Variants in IMPG1 observed in about 807,000 individuals in gnomAD.
The protein encoded by IMPG1 is interphotoreceptor matrix proteoglycan of 150 kDa.
IMPG1 carries 85 observed loss-of-function variants against 92.0 expected under a neutral mutation model. The ratio of observed to expected loss-of-function variants is 0.92; its 90% CI spans 0.78 to 1.11. The LOEUF is 1.11. IMPG1 is among the 50% of genes least tolerant of loss of function. The pLI, the probability that IMPG1 is intolerant of heterozygous loss-of-function variation, is 0.00. For missense variants in IMPG1, 1,022 were observed against 956.0 expected, an observed-to-expected ratio of 1.07 and a Z score of -0.91; for synonymous variants, 367 against 334.1, an observed-to-expected ratio of 1.10 and a Z score of -1.08.
At chr6:75,967,771 A>G (rs976956916) in intron 12 of IMPG1, among the ~76,000 whole-genome samples, 1 of 152,238 alleles carries the variant, frequency 6.6e-6, no homozygotes, top group Non-Finnish European at 1.5e-5. Flanking sequence ...TGTTTATTGC[A>G]GCTGATCACA....
intron 14 of IMPG1, among the ~76,000 whole-genome samples, chr6:75,942,815 C>T (rs962157253): frequency 1.3e-5 from 2 of 152,074 alleles, no homozygotes; most frequent in African/African-American, 2.4e-5. Context: ...GCACATTTTC[C>T]GTTAATGTGT....
chr6:76,006,480 GTATA>G (rs905736991), intron 9 of IMPG1, among the ~76,000 whole-genome samples: 1 of 101,168 alleles, frequency 9.9e-6, no homozygotes. Flanking sequence ...GTATATAGGT[GTATA>G]TATACACACA....
intron 10 of IMPG1, among the ~76,000 whole-genome samples, chr6:76,004,258 G>A (rs1479920618): frequency 7.2e-5 from 11 of 152,092 alleles, no homozygotes; most frequent in Admixed American, 7.2e-4. Flanking sequence ...AACCATTAGG[G>A]ATAAAAATAT....
chr6:76,061,244 G>A (rs1302063983), intron 1 of IMPG1, among the ~76,000 whole-genome samples: 1 of 152,192 alleles, frequency 6.6e-6, no homozygotes, highest in Non-Finnish European at 1.5e-5. Flanking sequence ...GCCACAGATT[G>A]TTCATTTGTA....
At chr6:75,936,903 G>A (rs1781754954) in intron 14 of IMPG1, among the ~76,000 whole-genome samples, 1 of 152,184 alleles carries the variant, frequency 6.6e-6, no homozygotes, top group Admixed American at 6.5e-5. Context: ...ACAGCTCCAG[G>A]AGCCTTTTAA....
intron 1 of IMPG1, among the ~76,000 whole-genome samples, chr6:76,068,795 G>A (rs1385510558): frequency 2.0e-5 from 3 of 151,950 alleles, no homozygotes; most frequent in Non-Finnish European, 4.4e-5. Context: ...GGGATTACAA[G>A]CGTGAGCCAA....
intron 4 of IMPG1, among the ~76,000 whole-genome samples, chr6:76,030,077 A>C (rs1392526432): frequency 6.6e-6 from 1 of 152,362 alleles, no homozygotes; most frequent in South Asian, 2.1e-4. Flanking sequence ...CGATTAAGCC[A>C]ACCCCAAGCT....
chr6:76,023,406 G>T (rs1191228122), intron 5 of IMPG1, among the ~76,000 whole-genome samples: 1 of 152,142 alleles, frequency 6.6e-6, no homozygotes, highest in Non-Finnish European at 1.5e-5. Flanking sequence ...TACCCTAGAA[G>T]AACAAATTTT....
At chr6:76,048,079 A>G (rs540684449) in intron 1 of IMPG1, among the ~76,000 whole-genome samples, 4 of 152,270 alleles carry the variant, frequency 2.6e-5, no homozygotes, top group African/African-American at 9.6e-5. Flanking sequence ...GACTATCATT[A>G]TTACCTGGCT....
At position 76,005,415 on chromosome 6, in the gene IMPG1, T is replaced by G; in HGVS notation, c.1007A>C (p.Tyr336Ser). The G allele has an allele frequency of 6.2e-7, 1 of 1,614,106 alleles. No homozygotes were observed. Among genetic ancestry groups the G allele is most frequent in the South Asian group, 1.1e-5 (1 of 91,088 alleles). ...DSNKIESEEV[Y>S]HGTMEEDKQP... ...CTTGTCCTCCTCCATGGTTCCATGA[T>G]AGACTTCCTCACTTTCAATTTTGTT... Residue 336 changes from tyrosine to serine, a missense_variant, in exon 10 of 17, where the codon TAT (tyrosine) becomes TCT (serine). Coordinates refer to ENST00000369950, the MANE Select transcript of IMPG1 (RefSeq NM_001563.4).
At chr6:76,017,961 C>G (rs1783321760) in intron 7 of IMPG1, among the ~76,000 whole-genome samples, 1 of 152,090 alleles carries the variant, frequency 6.6e-6, no homozygotes, top group Non-Finnish European at 1.5e-5. Flanking sequence ...CCATGTTGGC[C>G]AGGCTGGTAT....
At chr6:76,050,777 A>T (rs562840551) in intron 1 of IMPG1, among the ~76,000 whole-genome samples, 16 of 151,906 alleles carry the variant, frequency 1.1e-4, no homozygotes, top group Non-Finnish European at 2.2e-4. Flanking sequence ...TCCTCACCAA[A>T]CTCTTCTAGA....
At chr6:76,031,825 A>G (rs1283611847) in intron 4 of IMPG1, among the ~76,000 whole-genome samples, 1 of 152,232 alleles carries the variant, frequency 6.6e-6, no homozygotes, top group Non-Finnish European at 1.5e-5. Flanking sequence ...TTACAAGTCA[A>G]CAGTCCATTT....
At chr6:76,051,121 AC>A (rs1263472914) in intron 1 of IMPG1, among the ~76,000 whole-genome samples, 2 of 152,086 alleles carry the variant, frequency 1.3e-5, no homozygotes, top group African/African-American at 4.8e-5. Flanking sequence ...AAAAAAAAAC[AC>A]AATTTAATCT....
intron 9 of IMPG1, among the ~76,000 whole-genome samples, chr6:76,005,931 G>A (rs1046534727): frequency 2.0e-5 from 3 of 151,742 alleles, no homozygotes; most frequent in African/African-American, 7.3e-5. Context: ...TGAAGTCCTG[G>A]GGCCCAGGTG....
At chr6:76,029,594 G>A (rs1003586045) in intron 4 of IMPG1, among the ~76,000 whole-genome samples, 2 of 152,084 alleles carry the variant, frequency 1.3e-5, no homozygotes, top group Admixed American at 6.5e-5. Context: ...GCAATCTCTG[G>A]CTGCAGCTCA....
intron 1 of IMPG1, among the ~76,000 whole-genome samples, chr6:76,063,890 T>C (rs1784254541): frequency 6.6e-6 from 1 of 152,288 alleles, no homozygotes; most frequent in East Asian, 1.9e-4. Context: ...GTGTGTGCTT[T>C]CTGGTGCTCA....
rs768262862 is a variant in IMPG1, at chr6:76,034,727, CCT to C, written c.360_361del (p.Glu122IlefsTer17). 2 of 1,614,000 alleles carry C rather than the reference CCT, an allele frequency of 1.2e-6. No individual in the cohort carries two copies. Among genetic ancestry groups the C allele is most frequent in the Admixed American group, 1.7e-5 (1 of 60,014 alleles). On this transcript the variant is annotated frameshift_variant, in exon 3 of 17. Transcript: ENST00000369950. LOFTEE classifies it high-confidence loss of function. ...GATGCTGACCCAGTCCTGATATTCC[CCT>C]GTGTCAGGGATGCGATCCAGAAAGA...
At chr6:75,972,627 C>T (rs1376138510) in intron 12 of IMPG1, among the ~76,000 whole-genome samples, 1 of 152,146 alleles carries the variant, frequency 6.6e-6, no homozygotes, top group African/African-American at 2.4e-5. Flanking sequence ...AACAGTCTCC[C>T]AATTTTAATA....
Sources: allele counts gnomAD v4.1 joint callset (sites outside exome capture counted in the v4.1 genomes callset), GRCh38; gene constraint gnomAD v4.1.1; transcripts MANE v1.5; gene names NCBI Gene and HGNC (gene_info 2026-07-23, HGNC 2026-07-21).